PRKAR1A: variants seen among roughly 807,000 people sequenced by gnomAD.
The protein encoded by PRKAR1A is cAMP-dependent protein kinase type I-alpha regulatory subunit.
PRKAR1A carries 3 observed loss-of-function variants against 52.0 expected under a neutral mutation model. The ratio of observed to expected loss-of-function variants is 0.06; its 90% CI spans 0.03 to 0.15. The LOEUF (loss-of-function observed/expected upper bound fraction) is 0.15, where lower values mean the gene tolerates loss of function less well. PRKAR1A is among the 10% of genes least tolerant of loss of function. The probability of loss-of-function intolerance (pLI) is 1.00; values close to 1 mark genes in which losing one functional copy is unlikely to be tolerated. For missense variants in PRKAR1A, 240 were observed against 477.4 expected (o/e 0.50, Z 4.63); for synonymous variants, 188 against 168.4 (o/e 1.12, Z -0.90).
intron 11 of PRKAR1A, among the ~76,000 whole-genome samples, chr17:68,549,785 C>T (rs996783856): frequency 6.6e-6 from 1 of 150,942 alleles, no homozygotes; most frequent in African/African-American, 2.5e-5. Context: ...AGCATTGTGC[C>T]AAAGAGTCAC....
Position 68,513,817 on chromosome 17 carries a change from C to T in PRKAR1A, c.-7+1269C>T, listed in dbSNP as rs548926769. ...GTTGTTTCAAACAAAAACACAGTTT[C>T]ACTCCTTAGGCCCAGTTCTCTCATC... is the stretch of plus-strand genomic sequence containing the variant. On this transcript the variant is annotated intron_variant, in intron 1 of 10. Coordinates refer to ENST00000589228, the MANE Select transcript of PRKAR1A (RefSeq NM_002734.5). Among the ~76,000 whole-genome samples, 13 of 152,322 alleles carry T rather than the reference C, an allele frequency of 8.5e-5. No individual in the cohort carries two copies. The South Asian group carries it at 2.7e-3, about 32-fold the overall frequency.
the PRKAR1A span, among the ~76,000 whole-genome samples, chr17:68,438,557 C>G: frequency 2.0e-5 from 3 of 152,168 alleles, no homozygotes; most frequent in Non-Finnish European, 4.4e-5. Flanking sequence ...GAGTTAAGAC[C>G]TTACAAATGC....
At chr17:68,535,856 C>T (rs542063388), downstream of PRKAR1A, 46 of 453,612 alleles carry the variant, frequency 1.0e-4, 1 homozygote, top group Middle Eastern at 3.5e-3. Flanking sequence ...GGGTGGGATA[C>T]TGTTGGGTTT....
the PRKAR1A span, among the ~76,000 whole-genome samples, chr17:68,467,601 G>A: frequency 6.6e-6 from 1 of 152,160 alleles, no homozygotes; most frequent in Non-Finnish European, 1.5e-5. Context: ...CAAGATCCCT[G>A]TGCTCATTCT....
In PRKAR1A at chr17:68,544,753, A is replaced by G. The variant is rs533977653; in HGVS notation, c.974-6331A>G. ...CAGGCCTGGCCAGCTTATCATCATC[A>G]CTGGATGTCCAGGCTAGCAAGGACA... On this transcript the variant is annotated intron_variant, in intron 11 of 11. Coordinates refer to the PRKAR1A transcript ENST00000585981. Among the ~76,000 whole-genome samples the G allele has an allele frequency of 2.6e-5, 4 of 152,284 alleles. No homozygotes were observed. In the East Asian group the frequency reaches 7.7e-4, roughly 29 times the overall value.
chr17:68,453,437 G>T, the PRKAR1A span, among the ~76,000 whole-genome samples: 1 of 148,216 alleles, frequency 6.7e-6, no homozygotes. Context: ...AACTTTATTT[G>T]TTTGTTGCTT....
At chr17:68,508,645 C>A (rs894623097), upstream of PRKAR1A, among the ~76,000 whole-genome samples, 2 of 152,174 alleles carry the variant, frequency 1.3e-5, no homozygotes, top group Admixed American at 6.5e-5. Context: ...GGTAACAAAC[C>A]TGCACCTGTA....
the PRKAR1A span, among the ~76,000 whole-genome samples, chr17:68,467,492 A>G: frequency 8.5e-5 from 13 of 152,266 alleles, no homozygotes; most frequent in South Asian, 2.3e-3. Context: ...CATGAACACT[A>G]AAGTTTTATG....
At chr17:68,426,727 G>C in the PRKAR1A span, among the ~76,000 whole-genome samples, 2 of 152,092 alleles carry the variant, frequency 1.3e-5, no homozygotes, top group Non-Finnish European at 2.9e-5. Flanking sequence ...TAGAGATGGG[G>C]TTTCACCATG....
chr17:68,546,680 A>G lies in PRKAR1A; in HGVS notation c.974-4404A>G, dbSNP rs8072366. Among the ~76,000 whole-genome samples the G allele has an allele frequency of 9.9e-3, 1,506 of 152,024 alleles. 36 individuals carry two copies. Among genetic ancestry groups the G allele is most frequent in the African/African-American group, 0.034 (1,408 of 41,410 alleles). ...CCTGTCTCTACTAAAAATACAAAAA[A>G]TTATCCGGGCATGGTGGCCGGCGCC... On this transcript the variant is annotated intron_variant, in intron 11 of 11. Transcript: ENST00000585981.
At chr17:68,436,396 C>G in the PRKAR1A span, 1 of 1,613,896 alleles carries the variant, frequency 6.2e-7, no homozygotes, top group Non-Finnish European at 8.5e-7. Context: ...GAGTTTCCAT[C>G]ATAAAGCACA....
intron 2 of PRKAR1A, among the ~76,000 whole-genome samples, chr17:68,519,161 T>C (rs11868368): frequency 0.12 from 18,687 of 152,204 alleles, 1,196 homozygotes; most frequent in Middle Eastern, 0.15. Flanking sequence ...AGTTCCAAAG[T>C]TGCTTCTGCA....
chr17:68,515,937 C>T (rs1352993483), intron 2 of PRKAR1A: 2 of 237,578 alleles, frequency 8.4e-6, no homozygotes, highest in Non-Finnish European at 1.7e-5. Context: ...AGTTAATGCT[C>T]CTCCCGTTTT....
At chr17:68,530,126 T>A in intron 10 of PRKAR1A, 125 bp downstream of exon 10, 1 of 1,478,668 alleles carries the variant, frequency 6.8e-7, no homozygotes, top group Non-Finnish European at 9.4e-7. Flanking sequence ...CTTTTTTGGC[T>A]CTGAGAGGGA....
At chr17:68,542,688 C>G in intron 11 of PRKAR1A, 1 of 1,608,158 alleles carries the variant, frequency 6.2e-7, no homozygotes, top group Non-Finnish European at 8.5e-7. Flanking sequence ...CGGGCCAGTA[C>G]TCTACCTGGA....
At chr17:68,415,313 A>T in the PRKAR1A span, among the ~76,000 whole-genome samples, 1 of 152,126 alleles carries the variant, frequency 6.6e-6, no homozygotes, top group Non-Finnish European at 1.5e-5. Flanking sequence ...TATAATTTCC[A>T]TGTATTTGCA....
At chr17:68,490,667 G>T in the PRKAR1A span, among the ~76,000 whole-genome samples, 4 of 152,064 alleles carry the variant, frequency 2.6e-5, no homozygotes, top group Non-Finnish European at 5.9e-5. Flanking sequence ...GTGTCCTGTG[G>T]TATGGAGATG....
chr17:68,537,404 G>A (rs1279194284), downstream of PRKAR1A: 3 of 1,591,116 alleles, frequency 1.9e-6, no homozygotes, highest in African/African-American at 2.7e-5. This position sits in a 1 kb window ranked among gnomAD's most constrained non-coding sequence, Gnocchi z 4.2. Flanking sequence ...GTGGGAGTGA[G>A]GACGCAGGGT....
the PRKAR1A span, among the ~76,000 whole-genome samples, chr17:68,443,945 C>T: frequency 6.6e-6 from 1 of 152,214 alleles, no homozygotes; most frequent in South Asian, 2.1e-4. Context: ...AACCATTCCT[C>T]TTCTTATACA....
Sources: allele counts gnomAD v4.1 joint callset (sites outside exome capture counted in the v4.1 genomes callset), GRCh38; gene constraint gnomAD v4.1.1; non-coding constraint Gnocchi (gnomAD v3.1); transcripts MANE v1.5; gene names NCBI Gene and HGNC (gene_info 2026-07-23, HGNC 2026-07-21).